DNAH12: variants seen among roughly 807,000 people sequenced by gnomAD.
DNAH12 encodes dynein axonemal heavy chain 12.
DNAH12 carries 285 observed loss-of-function variants against 371.5 expected under a neutral mutation model. The observed-to-expected ratio is 0.77, with a 90% CI of 0.70 to 0.85. The LOEUF is 0.85. DNAH12 is among the 40% of genes least tolerant of loss of function. DNAH12 has a pLI of 0.00. For synonymous variants in DNAH12, 1,200 were observed against 1,213.0 expected, an observed-to-expected ratio of 0.99 and a Z score of 0.22; for missense variants, 3,611 against 3,689.4, an observed-to-expected ratio of 0.98 and a Z score of 0.55.
chr3:57,505,957 G>A (rs906049248), intron 8 of DNAH12, among the ~76,000 whole-genome samples: 1 of 151,718 alleles, frequency 6.6e-6, no homozygotes, highest in Non-Finnish European at 1.5e-5. Context: ...TGTTTCCCAA[G>A]CTGGTCTTGA....
intron 55 of DNAH12, among the ~76,000 whole-genome samples, chr3:57,374,476 G>A (rs2063240249): frequency 6.6e-6 from 1 of 152,050 alleles, no homozygotes; most frequent in East Asian, 1.9e-4. Context: ...TAAATAAAAG[G>A]ATAACAATAA....
chr3:57,475,581 C>T (rs367774389), intron 13 of DNAH12, among the ~76,000 whole-genome samples: 1 of 152,058 alleles, frequency 6.6e-6, no homozygotes, highest in African/African-American at 2.4e-5. Context: ...ACTTTTTTAA[C>T]TGCTACAAAT....
At chr3:57,357,760 G>C (rs1186823521) in intron 58 of DNAH12, among the ~76,000 whole-genome samples, 3 of 152,174 alleles carry the variant, frequency 2.0e-5, no homozygotes, top group Non-Finnish European at 4.4e-5. Context: ...GAGATAAAGA[G>C]GGAGAGAGGG....
At chr3:57,492,183 G>A (rs942823618) in intron 11 of DNAH12, among the ~76,000 whole-genome samples, 4 of 151,664 alleles carry the variant, frequency 2.6e-5, no homozygotes, top group South Asian at 2.1e-4. Context: ...ATAATAGGCC[G>A]GGAGTGGTGG....
In DNAH12 at chr3:57,472,610, G is replaced by A. The variant is rs769535185; in HGVS notation, c.1712C>T (p.Ala571Val). 3 of 1,551,102 alleles carry A rather than the reference G, an allele frequency of 1.9e-6. No individual in the cohort carries two copies. Among genetic ancestry groups the A allele is most frequent in the Non-Finnish European group, 2.6e-6 (3 of 1,146,758 alleles). The change falls in exon 14 of 74, where the codon GCT (alanine) becomes GTT (valine). Residue 571 changes from alanine (A) to valine (V), a missense_variant. Ala to Val is a moderately conservative substitution (Grantham distance 64). This residue lies in a region of DNAH12 where 1,314 missense variants were observed against 1,398.7 expected (regional missense o/e 0.94). Transcript: ENST00000495027. ...CCACATGAGGACAGTTGCATTTAAA[G>A]CTAAGTCTTCTTGAGGAAATAGGAA... ...DVFLFPQEDL[A>V]LNATVLMWPR... is the part of the protein sequence containing the mutation.
intron 69 of DNAH12, among the ~76,000 whole-genome samples, chr3:57,306,701 T>C (rs1391382366): frequency 1.3e-5 from 2 of 152,142 alleles, no homozygotes; most frequent in African/African-American, 4.8e-5. Flanking sequence ...TTTAAGAGGA[T>C]TAAAGTCTGT....
chr3:57,418,333 T>C, intron 37 of DNAH12, among the ~76,000 whole-genome samples: 1 of 125,344 alleles, frequency 8.0e-6, no homozygotes, highest in Non-Finnish European at 1.6e-5. Flanking sequence ...TGAGCTCAGG[T>C]GTTCAAGATG....
rs765530452 is a variant in DNAH12, at chr3:57,314,542, T to A, written c.10614A>T (p.Pro3538=). 1 of 1,551,324 alleles carries A rather than the reference T, an allele frequency of 6.4e-7. No homozygotes were observed. The highest frequency in any genetic ancestry group is 1.2e-5 in the South Asian group (1 of 83,914). ...GCAAGTCAGATTCATTAAATCCATA[T>A]GGAATATTCCAACCAAGAGGACCAA... is the stretch of plus-strand genomic sequence containing the variant. ...KKFGPLGWNI[P]YGFNESDLRI... The change falls in exon 66 of 74, where the codon CCA becomes CCT. Residue 3538 remains proline, a synonymous_variant. Coordinates refer to ENST00000495027, the MANE Select transcript of DNAH12 (RefSeq NM_001366028.2).
At chr3:57,383,757 C>CT (rs1190649470) in intron 49 of DNAH12, among the ~76,000 whole-genome samples, 54 of 100,926 alleles carry the variant, frequency 5.4e-4, no homozygotes, top group South Asian at 8.7e-4. Flanking sequence ...GAGACCCTGT[C>CT]TTAAAAAAAA....
intron 55 of DNAH12, among the ~76,000 whole-genome samples, chr3:57,369,658 CAAT>C (rs1179792040): frequency 6.6e-6 from 1 of 151,996 alleles, no homozygotes; most frequent in Non-Finnish European, 1.5e-5. Context: ...AGAAAGCAAA[CAAT>C]AAAGTTATTT....
chr3:57,442,306 T>TA lies in DNAH12; in HGVS notation c.4545+2390dup, dbSNP rs528195001. On this transcript the variant is annotated intron_variant, in intron 29 of 73. Transcript: ENST00000495027. ...GCTTTTTTTTTTCAAATACAATACT[T>TA]AAAGCAGAAAATAATAACAATGCAT... 6.6e-5 allele frequency among the ~76,000 whole-genome samples: 10 copies of TA among 151,922 alleles called. No homozygotes were observed. The South Asian group carries it at 1.5e-3, about 22-fold the overall frequency.
In DNAH12 at chr3:57,437,476, T is replaced by C. The variant is rs375359096; in HGVS notation, c.4546-416A>G. 7.9e-5 allele frequency among the ~76,000 whole-genome samples: 12 copies of C among 152,266 alleles called. No individual in the cohort carries two copies. In the East Asian group the frequency reaches 1.4e-3, roughly 17 times the overall value. ...GAAGTACTTTGGATGCAAATAAATA[T>C]ATAAAAGAACTCAGTTTCAGAAAGG... On this transcript the variant is annotated intron_variant, in intron 29 of 73. Coordinates refer to ENST00000495027, the MANE Select transcript of DNAH12 (RefSeq NM_001366028.2).
At chr3:57,445,445 A>T in intron 27 of DNAH12, 26 bp from the exon 28 acceptor site, 2 of 1,454,952 alleles carry the variant, frequency 1.4e-6, no homozygotes, top group Non-Finnish European at 1.8e-6. Context: ...AATGAAATAT[A>T]TTACGTACAT....
rs2063635716 is a variant in DNAH12, at chr3:57,392,065, C to T, written c.7112G>A (p.Gly2371Asp). The change falls in exon 45 of 74, where the codon GGT becomes GAT. Residue 2371 changes from glycine to aspartate, a missense_variant and splice_region_variant. Around this residue, in one of 3 missense-constraint regions of DNAH12, gnomAD observed 2,266 missense variants for 2,236.9 expected, o/e 1.01. Coordinates refer to ENST00000495027, the MANE Select transcript of DNAH12 (RefSeq NM_001366028.2). Reference sequence around the variant, plus strand: ...GCCAGCCTGAGCTACTGGGCGAACACCCTAGGGAATATCAGAAAATAAAAA... The same window carrying T: ...GCCAGCCTGAGCTACTGGGCGAACATCCTAGGGAATATCAGAAAATAAAAA... ...AADEKQEVME[G>D]VRPVAQAGNK... The T allele has an allele frequency of 1.3e-5, 2 of 152,074 alleles. No individual in the cohort carries two copies. The highest frequency in any genetic ancestry group is 2.1e-4 in the South Asian group (1 of 4,826). 9.4% of individuals were successfully genotyped at this position (152,074 alleles called of 1,614,324 possible).
Position 57,323,651 on chromosome 3 carries a change from C to A in DNAH12, c.9979-32G>T, listed in dbSNP as rs1405406373. ...AAGAGAAAAGATATGATCTTTAGAG[C>A]AACTTTTATTTCACATAATGGATAT... On this transcript the variant is annotated intron_variant, in intron 62 of 73. Transcript: ENST00000495027. 5.7e-5 allele frequency: 84 copies of A among 1,480,084 alleles called. No individual in the cohort carries two copies. The Admixed American group carries it at 2.2e-3, about 39-fold the overall frequency. 91.7% of individuals were successfully genotyped at this position (1,480,084 alleles called of 1,614,324 possible). A position where few individuals can be genotyped will look rare whatever the true frequency, so the allele number is the denominator to read the frequency against.
chr3:57,492,864 G>C (rs571437143), intron 11 of DNAH12, among the ~76,000 whole-genome samples: 2 of 152,260 alleles, frequency 1.3e-5, no homozygotes, highest in East Asian at 3.9e-4. Flanking sequence ...AATTGGCCAG[G>C]TGTAGTGGTA....
intron 36 of DNAH12, among the ~76,000 whole-genome samples, chr3:57,420,883 T>G (rs1308848510): frequency 8.1e-6 from 1 of 122,740 alleles, no homozygotes; most frequent in Non-Finnish European, 1.5e-5. Flanking sequence ...CACTCCAGCC[T>G]GGACAATAGA....
intron 29 of DNAH12, 51 bp downstream of exon 29, chr3:57,444,646 C>T (rs1017957220): frequency 1.3e-6 from 2 of 1,537,810 alleles, no homozygotes; most frequent in Non-Finnish European, 1.8e-6. Context: ...ACAATTGAGT[C>T]ATCGGATGAA....
chr3:57,476,299 C>T (rs556564793), intron 13 of DNAH12, among the ~76,000 whole-genome samples: 1 of 152,278 alleles, frequency 6.6e-6, no homozygotes, highest in African/African-American at 2.4e-5. Flanking sequence ...GGCGCAGTGG[C>T]TCATGCCTGT....
Sources: gnomAD v4.1 joint callset for allele counts (sites outside exome capture counted in the v4.1 genomes callset) on GRCh38, gnomAD v4.1.1 for gene constraint, gnomAD v4.1.1 regional missense constraint, MANE v1.5 for transcripts, NCBI Gene and HGNC (gene_info 2026-07-23, HGNC 2026-07-21) for gene names.